TMEM178B: variants seen among roughly 807,000 people sequenced by gnomAD.
The protein encoded by TMEM178B is transmembrane protein 178B.
Under a neutral mutation model 31.0 loss-of-function variants are expected in TMEM178B, and 5 were observed. That is an observed-to-expected ratio of 0.16 (90% CI 0.08 to 0.34). TMEM178B has a LOEUF of 0.34. Ranked by LOEUF, TMEM178B falls within the 10% of genes least tolerant of loss-of-function variation. The pLI is 1.00. For missense variants in TMEM178B, 275 were observed against 400.3 expected (o/e 0.69, Z 2.67); for synonymous variants, 164 against 164.0 (o/e 1.00, Z 0.00).
intron 1 of TMEM178B, among the ~76,000 whole-genome samples, chr7:141,157,139 C>A (rs1442011564): frequency 1.3e-5 from 2 of 152,164 alleles, no homozygotes; most frequent in African/African-American, 4.8e-5. Flanking sequence ...GTCCCTTCTG[C>A]CCTCTTCCCA....
intron 3 of TMEM178B, among the ~76,000 whole-genome samples, chr7:141,444,412 A>G (rs890285526): frequency 1.7e-4 from 26 of 152,198 alleles, no homozygotes; most frequent in Admixed American, 1.3e-4. Flanking sequence ...ATAGAGCAGC[A>G]ATTCTTCAGT....
chr7:141,241,763 A>C (rs1159817492), intron 2 of TMEM178B, among the ~76,000 whole-genome samples: 1 of 152,150 alleles, frequency 6.6e-6, no homozygotes. Context: ...TACATACCTA[A>C]TTTTAGATTT....
the TMEM178B span, among the ~76,000 whole-genome samples, chr7:141,487,622 T>A: frequency 6.6e-6 from 1 of 151,272 alleles, no homozygotes; most frequent in Non-Finnish European, 1.5e-5. Context: ...ATGTCTGCAG[T>A]CCCAGCTACT....
chr7:141,324,322 T>C (rs1799149358), intron 2 of TMEM178B, among the ~76,000 whole-genome samples: 1 of 149,900 alleles, frequency 6.7e-6, no homozygotes, highest in African/African-American at 2.5e-5. Flanking sequence ...GCAGGGAAGA[T>C]GATGAGAAGA....
chr7:141,252,315 T>TG (rs1449965605), intron 2 of TMEM178B, among the ~76,000 whole-genome samples: 2 of 152,172 alleles, frequency 1.3e-5, no homozygotes, highest in Admixed American at 1.3e-4. Flanking sequence ...CTTGCTATTT[T>TG]GGGGGTCTGA....
chr7:141,183,125 C>A (rs977446315), intron 1 of TMEM178B, among the ~76,000 whole-genome samples: 2 of 152,298 alleles, frequency 1.3e-5, no homozygotes, highest in Middle Eastern at 3.4e-3. Flanking sequence ...ATTATAAAAA[C>A]AATGTTGGCT....
rs1802382430 is a variant in TMEM178B, at chr7:141,477,001, AC to A, written c.*6216del. 1 of 154,786 alleles carries A rather than the reference AC, an allele frequency of 6.5e-6. No homozygotes were observed. The highest frequency in any genetic ancestry group is 2.4e-5 in the African/African-American group (1 of 41,500). The allele number at this position is 154,786 out of a possible 1,614,324, so 9.6% of individuals were successfully genotyped here. On this transcript the variant is annotated 3_prime_UTR_variant, in exon 4 of 4. Coordinates refer to ENST00000565468, the MANE Select transcript of TMEM178B (RefSeq NM_001195278.2). The stretch of plus-strand genomic sequence containing the variant: ...CAACCTCAGCAAATGCAACTCCTAC[AC>A]TTCATTCCCAAGGACCAGGTGTTGC...
chr7:141,298,683 G>A (rs547191314), intron 2 of TMEM178B, among the ~76,000 whole-genome samples: 96 of 152,324 alleles, frequency 6.3e-4, no homozygotes, highest in African/African-American at 2.2e-3. Flanking sequence ...GATGTCCAGG[G>A]TGATTGAAAA....
chr7:141,482,674 A>C (rs1451943990), downstream of TMEM178B, among the ~76,000 whole-genome samples: 2 of 152,182 alleles, frequency 1.3e-5, no homozygotes, highest in African/African-American at 4.8e-5. Flanking sequence ...AAGAGCTACT[A>C]TACTCAGGGT....
intron 1 of TMEM178B, among the ~76,000 whole-genome samples, chr7:141,172,256 G>A (rs994158787): frequency 1.3e-5 from 2 of 152,186 alleles, no homozygotes; most frequent in Admixed American, 6.5e-5. Flanking sequence ...CCAGATGCTA[G>A]CATGGTGTTA....
At chr7:141,196,056 A>T (rs1376377215) in intron 1 of TMEM178B, among the ~76,000 whole-genome samples, 1 of 152,114 alleles carries the variant, frequency 6.6e-6, no homozygotes, top group Non-Finnish European at 1.5e-5. Flanking sequence ...ACACAGCCAA[A>T]GCATATCAGT....
intron 3 of TMEM178B, among the ~76,000 whole-genome samples, chr7:141,463,766 C>A (rs995299413): frequency 5.3e-5 from 8 of 152,206 alleles, no homozygotes. Context: ...TGGCTTGAGA[C>A]AGAATGCTCT....
intron 2 of TMEM178B, among the ~76,000 whole-genome samples, chr7:141,435,362 C>T (rs975414494): frequency 6.6e-6 from 1 of 152,074 alleles, no homozygotes; most frequent in African/African-American, 2.4e-5. Context: ...TTCCTCTTCC[C>T]ACCACCTTTT....
At chr7:141,443,672 C>T (rs1801702016) in intron 3 of TMEM178B, among the ~76,000 whole-genome samples, 1 of 152,144 alleles carries the variant, frequency 6.6e-6, no homozygotes, top group African/African-American at 2.4e-5. Flanking sequence ...CCCCCATTTC[C>T]CATGACTTCC....
chr7:141,121,043 C>A (rs970676433), intron 1 of TMEM178B, among the ~76,000 whole-genome samples: 9 of 151,852 alleles, frequency 5.9e-5, no homozygotes, highest in African/African-American at 2.2e-4. Context: ...TTATGACTTT[C>A]TAGCATACTT....
rs149897028 is a variant in TMEM178B, at chr7:141,411,162, G to A, written c.497-26446G>A. 2.0e-3 allele frequency among the ~76,000 whole-genome samples: 268 copies of A among 136,384 alleles called. 1 individual carries two copies. The highest frequency in any genetic ancestry group is 5.9e-3 in the African/African-American group (215 of 36,572). 89.5% of individuals were successfully genotyped at this position (136,384 alleles called of 152,430 possible). The stretch of plus-strand genomic sequence containing the variant: ...ATGCCTAATATGAGTGGTTGAATGC[G>A]TAGAGAAATTAGAATGGTGTTCATG... On this transcript the variant is annotated intron_variant, in intron 2 of 3. Transcript: ENST00000565468.
At chr7:141,214,419 G>A (rs1012300993) in intron 2 of TMEM178B, among the ~76,000 whole-genome samples, 2 of 152,188 alleles carry the variant, frequency 1.3e-5, no homozygotes, top group African/African-American at 4.8e-5. Flanking sequence ...GAGGAGGGTG[G>A]GGGATGGGGA....
intron 1 of TMEM178B, among the ~76,000 whole-genome samples, chr7:141,191,038 A>T (rs181286016): frequency 4.6e-5 from 7 of 152,238 alleles, no homozygotes; most frequent in Admixed American, 4.6e-4. Flanking sequence ...TATAATACTG[A>T]TGAGAAAAAA....
chr7:141,466,716 T>C (rs1267068904), intron 3 of TMEM178B, among the ~76,000 whole-genome samples: 1 of 152,218 alleles, frequency 6.6e-6, no homozygotes, highest in Non-Finnish European at 1.5e-5. Context: ...CAGAACTTTC[T>C]ATCAGGCTCC....
Sources: gnomAD v4.1 joint callset for allele counts (sites outside exome capture counted in the v4.1 genomes callset) on GRCh38, gnomAD v4.1.1 for gene constraint, MANE v1.5 for transcripts, NCBI Gene and HGNC (gene_info 2026-07-23, HGNC 2026-07-21) for gene names.